The following TUBGCP4 variants were observed in gnomAD, a reference collection of about 807,000 sequenced individuals.
TUBGCP4 encodes tubulin gamma complex component 4, also known as gamma-tubulin complex component 4.
Under a neutral mutation model 91.6 loss-of-function variants are expected in TUBGCP4, and 54 were observed. The ratio of observed to expected loss-of-function variants is 0.59; its 90% CI spans 0.47 to 0.74. The LOEUF is 0.74. TUBGCP4 is among the 30% of genes least tolerant of loss of function. The pLI is 0.00. For missense variants in TUBGCP4, 593 were observed against 800.9 expected (o/e 0.74, Z 3.13); for synonymous variants, 297 against 302.8 (o/e 0.98, Z 0.20).
At position 43,401,710 on chromosome 15, in the gene TUBGCP4, T is replaced by C. The variant is rs1176725914; in HGVS notation, c.1597-6T>C. 7.4e-6 allele frequency: 12 copies of C among 1,613,926 alleles called. No homozygotes were observed. Among genetic ancestry groups the C allele is most frequent in the Admixed American group, 1.7e-5 (1 of 59,954 alleles). ...AAGTGCTAAAATTTTTTGTAATGTC[T>C]ATCAGGTAGATGTGTTGGAGTCTCA... On this transcript the variant is annotated splice_region_variant and splice_polypyrimidine_tract_variant and intron_variant, in intron 14 of 17. Transcript: ENST00000564079.
At position 43,407,852 on chromosome 15, in the gene TUBGCP4, A is replaced by G. The variant is rs1365865733; in HGVS notation, c.*2638A>G. 1.5e-6 allele frequency: 2 copies of G among 1,312,092 alleles called. No homozygotes were observed. The highest frequency in any genetic ancestry group is 2.1e-6 in the Non-Finnish European group (2 of 957,886). 81.3% of individuals were successfully genotyped at this position (1,312,092 alleles called of 1,614,324 possible). On this transcript the variant is annotated 3_prime_UTR_variant, in exon 18 of 18. Coordinates refer to ENST00000564079, the MANE Select transcript of TUBGCP4 (RefSeq NM_014444.5). ...TAAGAAACATGGATACGGTCAACCTATTAGGCCTGAGCCTTGGACCACAAG... is the reference window on the plus strand; with the variant it reads ...TAAGAAACATGGATACGGTCAACCTGTTAGGCCTGAGCCTTGGACCACAAG...
At chr15:43,400,912 C>T (rs1225637691) in intron 14 of TUBGCP4, among the ~76,000 whole-genome samples, 12 of 150,924 alleles carry the variant, frequency 8.0e-5, no homozygotes, top group Middle Eastern at 3.4e-3. Context: ...AGTGAGACTC[C>T]GTCTCCAAAA....
chr15:43,395,359 A>G (rs1407964299), intron 10 of TUBGCP4: 1 of 665,608 alleles, frequency 1.5e-6, no homozygotes, highest in Non-Finnish European at 2.7e-6. Flanking sequence ...TTTCTGGCAT[A>G]TATATATAAT....
At chr15:43,380,051 G>C (rs2044264804) in intron 5 of TUBGCP4, 33 bp from the exon 6 acceptor site, 1 of 1,605,072 alleles carries the variant, frequency 6.2e-7, no homozygotes, top group Non-Finnish European at 8.5e-7. Context: ...TCTTAGAATG[G>C]AATCCAGTTT....
chr15:43,407,739 G>A lies in TUBGCP4; in HGVS notation c.*2525G>A. 1 of 781,958 alleles carries A rather than the reference G, an allele frequency of 1.3e-6. No homozygotes were observed. The highest frequency in any genetic ancestry group is 2.0e-6 in the Non-Finnish European group (1 of 498,050). The allele number at this position is 781,958 out of a possible 1,614,324, so 48.4% of individuals were successfully genotyped here. On this transcript the variant is annotated 3_prime_UTR_variant, in exon 18 of 18. Coordinates refer to ENST00000564079, the MANE Select transcript of TUBGCP4 (RefSeq NM_014444.5). Reference sequence around the variant, plus strand: ...CCAAAGGCAGAGTTATAATCACTATGTGCTGACCTTGTAGAAATATTTAAC... The same window carrying A: ...CCAAAGGCAGAGTTATAATCACTATATGCTGACCTTGTAGAAATATTTAAC...
rs1327303088 is a variant in TUBGCP4, at chr15:43,397,969, C to T, written c.1280-72C>T. The T allele has an allele frequency of 4.7e-6, 7 of 1,481,282 alleles. No homozygotes were observed. In the South Asian group the frequency reaches 7.8e-5, roughly 17 times the overall value. The allele number at this position is 1,481,282 out of a possible 1,614,324, so 91.8% of individuals were successfully genotyped here. A position where few individuals can be genotyped will look rare whatever the true frequency, so the allele number is the denominator to read the frequency against. ...GCTCTAGTTTCATTAATGTTATTCA[C>T]TTGTTGAGTCTCTGGTTCTAGATTA... On this transcript the variant is annotated intron_variant, in intron 12 of 17. Transcript: ENST00000564079.
At position 43,409,070 on chromosome 15, in the gene TUBGCP4, T is replaced by C. The variant is rs1169949685; in HGVS notation, c.*3856T>C. The C allele has an allele frequency of 6.2e-7, 1 of 1,614,158 alleles. No homozygotes were observed. Among genetic ancestry groups the C allele is most frequent in the African/African-American group, 1.3e-5 (1 of 75,022 alleles). On this transcript the variant is annotated 3_prime_UTR_variant, in exon 18 of 18. Transcript: ENST00000564079. ...GGGTTCGACAATGCTGATCCGCAAT[T>C]AGAAGACACTGGTAAGCTGTGTTAC...
rs1415482654 is a variant in TUBGCP4, at chr15:43,371,143, T to G, written c.-212T>G. ...GGCGGGAGTAGCTGGTGGACCCCGT[T>G]GAGCTGCCGAACTTCCGGGACTCCC... On this transcript the variant is annotated 5_prime_UTR_variant, in exon 1 of 18. Transcript: ENST00000564079. 4.9e-6 allele frequency: 3 copies of G among 611,180 alleles called. No homozygotes were observed. Among genetic ancestry groups the G allele is most frequent in the East Asian group, 2.8e-5 (1 of 36,136 alleles). The allele number at this position is 611,180 out of a possible 1,614,324, so 37.9% of individuals were successfully genotyped here. A position where few individuals can be genotyped will look rare whatever the true frequency, so the allele number is the denominator to read the frequency against.
intron 7 of TUBGCP4, among the ~76,000 whole-genome samples, chr15:43,384,314 A>G (rs1225884651): frequency 6.6e-6 from 1 of 152,222 alleles, no homozygotes; most frequent in African/African-American, 2.4e-5. Context: ...AGATATAGAA[A>G]AGTAAACAGT....
chr15:43,404,631 AAGACT>A (rs1254484591), intron 17 of TUBGCP4, 79 bp downstream of exon 17: 6 of 1,491,530 alleles, frequency 4.0e-6, no homozygotes, highest in Non-Finnish European at 5.5e-6. Flanking sequence ...GAACTGGAAG[AAGACT>A]TTAGTCCAAA....
At chr15:43,376,408 G>A in intron 2 of TUBGCP4, 95 bp from the exon 3 acceptor site, 3 of 1,611,928 alleles carry the variant, frequency 1.9e-6, no homozygotes, top group East Asian at 2.2e-5. Flanking sequence ...TAATTGGTTT[G>A]TTTGTATAAC....
rs753038492 is a variant in TUBGCP4, at chr15:43,376,604, A to C, written c.309A>C (p.Ala103=). 42 of 1,614,078 alleles carry C rather than the reference A, an allele frequency of 2.6e-5. No homozygotes were observed. Among genetic ancestry groups the C allele is most frequent in the Non-Finnish European group, 3.1e-5 (36 of 1,180,056 alleles). The change falls in exon 3 of 18, where the codon GCA becomes GCC. Residue 103 remains alanine, a synonymous_variant. Transcript: ENST00000564079. ...LDSVLQPYRQ[A]LLDLEQEFLG... The stretch of plus-strand genomic sequence containing the variant: ...CTGTTTTGCAGCCTTATCGCCAAGC[A>C]CTGCTTGATTTGGAACAAGAGGTAA...
intron 6 of TUBGCP4, among the ~76,000 whole-genome samples, chr15:43,381,029 A>G (rs1258207145): frequency 6.6e-6 from 1 of 151,922 alleles, no homozygotes; most frequent in Non-Finnish European, 1.5e-5. Flanking sequence ...CTGGTCTCGA[A>G]CTCCTAGGCT....
intron 5 of TUBGCP4, among the ~76,000 whole-genome samples, chr15:43,379,856 A>C (rs1032081954): frequency 6.6e-6 from 1 of 152,182 alleles, no homozygotes; most frequent in Admixed American, 6.5e-5. Flanking sequence ...TTGTGGAAAC[A>C]CTGAGTGCTG....
chr15:43,385,777 C>CT lies in TUBGCP4; in HGVS notation c.724-11dup, dbSNP rs200679530. 1.2e-6 allele frequency: 2 copies of CT among 1,613,646 alleles called. No homozygotes were observed. The highest frequency in any genetic ancestry group is 2.7e-5 in the African/African-American group (2 of 74,898). Reference sequence around the variant, plus strand: ...TTCACACTGCATCTCGATGTGTACTCTTTCCTTGACTAGCGCCTGATTGAG... The same window carrying CT: ...TTCACACTGCATCTCGATGTGTACTCTTTTCCTTGACTAGCGCCTGATTGAG... On this transcript the variant is annotated splice_polypyrimidine_tract_variant and intron_variant, in intron 7 of 17. Transcript: ENST00000564079.
In TUBGCP4 at chr15:43,406,135, A is replaced by G. The variant is rs1359017508; in HGVS notation, c.*921A>G. ...AAGTTGTTAGATTTTTAAATACTGA[A>G]GATTGCAGGCCCAATTACCCATCTT... On this transcript the variant is annotated 3_prime_UTR_variant, in exon 18 of 18. Transcript: ENST00000564079. The G allele has an allele frequency of 6.6e-6, 1 of 152,114 alleles. No homozygotes were observed. Among genetic ancestry groups the G allele is most frequent in the East Asian group, 1.9e-4 (1 of 5,202 alleles). 9.4% of individuals were successfully genotyped at this position (152,114 alleles called of 1,614,324 possible).
intron 9 of TUBGCP4, among the ~76,000 whole-genome samples, chr15:43,392,335 T>C (rs1346770532): frequency 6.7e-6 from 1 of 149,064 alleles, no homozygotes; most frequent in Non-Finnish European, 1.5e-5. Context: ...TTATATTCTA[T>C]ATAATTCTAA....
At chr15:43,381,835 TA>T (rs2044289989) in intron 6 of TUBGCP4, among the ~76,000 whole-genome samples, 1 of 152,222 alleles carries the variant, frequency 6.6e-6, no homozygotes, top group African/African-American at 2.4e-5. Context: ...CTTCTATACG[TA>T]TATGTGAAAT....
At chr15:43,398,468 T>A (rs376756560) in intron 13 of TUBGCP4, 11 of 243,494 alleles carry the variant, frequency 4.5e-5, no homozygotes, top group African/African-American at 2.4e-4. Context: ...TAAACCCTTA[T>A]GCCTTCAGGG....
Sources: allele counts gnomAD v4.1 joint callset (sites outside exome capture counted in the v4.1 genomes callset), GRCh38; gene constraint gnomAD v4.1.1; transcripts MANE v1.5; gene names NCBI Gene and HGNC (gene_info 2026-07-23, HGNC 2026-07-21).